The following TAF1 variants were observed in gnomAD, a reference collection of about 807,000 sequenced individuals.
TAF1 encodes the protein transcription initiation factor TFIID subunit 1.
In TAF1, 2 loss-of-function variants were observed where a neutral mutation model predicts 138.5. The observed-to-expected ratio is 0.01, with a 90% CI of 0.01 to 0.05. The LOEUF (loss-of-function observed/expected upper bound fraction) is 0.05, where lower values mean the gene tolerates loss of function less well. TAF1 is among the 10% of genes least tolerant of loss of function. The pLI is 1.00. For missense variants in TAF1, 709 were observed against 1,478.0 expected, an observed-to-expected ratio of 0.48 and a Z score of 8.53; for synonymous variants, 437 against 503.2, an observed-to-expected ratio of 0.87 and a Z score of 1.76.
At chrX:71,496,157 T>A (rs968904634) in intron 13 of TAF1, among the ~76,000 whole-genome samples, 1 of 112,350 alleles carries the variant, frequency 8.9e-6, no homozygotes, top group African/African-American at 3.2e-5. Flanking sequence ...TGTGTCTTTT[T>A]CCCTTAAACA....
At chrX:71,443,949 GA>G (rs2037553973) in intron 32 of TAF1, among the ~76,000 whole-genome samples, 1 of 111,401 alleles carries the variant, frequency 9.0e-6, no homozygotes, top group African/African-American at 3.3e-5. Flanking sequence ...GAATTCCAGT[GA>G]TCTGCCTGCC....
chrX:71,390,057 G>A (rs2034473495), intron 18 of TAF1, among the ~76,000 whole-genome samples: 1 of 111,075 alleles, frequency 9.0e-6, no homozygotes, highest in Non-Finnish European at 1.9e-5. Flanking sequence ...TGTATTTTTA[G>A]TAGAGATGGT....
chrX:71,368,728 C>T (rs1302565802), intron 3 of TAF1: 1 of 97,605 alleles, frequency 1.0e-5, no homozygotes, highest in East Asian at 3.8e-4. Context: ...AGGAGAATTG[C>T]TTCAAACCGG....
chrX:71,482,415 T>G (rs373727097), intron 13 of TAF1, among the ~76,000 whole-genome samples: 14 of 111,980 alleles, frequency 1.3e-4, no homozygotes, highest in South Asian at 7.3e-4. Flanking sequence ...AGTGGACAAT[T>G]AACAACACAA....
At chrX:71,379,497 A>G (rs1418318955) in intron 8 of TAF1, among the ~76,000 whole-genome samples, 1 of 106,547 alleles carries the variant, frequency 9.4e-6, no homozygotes, top group Non-Finnish European at 1.9e-5. Context: ...TTTTTATTTT[A>G]TTTTTATGCT....
intron 28 of TAF1, chrX:71,420,602 G>C: frequency 2.5e-6 from 3 of 1,209,193 alleles, no homozygotes; most frequent in Non-Finnish European, 3.4e-6. Context: ...TAGCTTCTCA[G>C]CTTCTTCCTC....
In TAF1 at chrX:71,377,097, A is replaced by G; in HGVS notation, c.620A>G (p.Lys207Arg). 1 of 1,211,728 alleles carries G rather than the reference A, an allele frequency of 8.3e-7. No homozygotes were observed. Among genetic ancestry groups the G allele is most frequent in the South Asian group, 1.8e-5 (1 of 56,985 alleles). Residue 207 changes from lysine to arginine, a missense_variant, in exon 5 of 38, where the codon AAG (lysine) becomes AGG (arginine). Lys to Arg is a conservative substitution (Grantham distance 26). This residue lies in a region of TAF1 where 123 missense variants were observed against 161.6 expected (regional missense o/e 0.76). Transcript: ENST00000423759. ...ACACAGGCAGAATCTGAAGATGGAA[A>G]GCTGACCCTTCCATTGGCTGGGATT... is the stretch of plus-strand genomic sequence containing the variant. ...EATQAESEDG[K>R]LTLPLAGIMQ...
chrX:71,511,271 A>G (rs1222281858), intron 13 of TAF1, among the ~76,000 whole-genome samples: 1 of 112,098 alleles, frequency 8.9e-6, no homozygotes, highest in Non-Finnish European at 1.9e-5. Flanking sequence ...TGCTCTAAAA[A>G]GAAAAAACTT....
At chrX:71,393,224 TTGTG>T (rs201372159) in intron 20 of TAF1, 73 bp from the exon 21 acceptor site, 12,690 of 936,373 alleles carry the variant, frequency 0.014, 37 homozygotes, top group East Asian at 0.098. Flanking sequence ...CCTGAATGAT[TTGTG>T]TGTGTGTGTG....
chrX:71,420,019 A>T, intron 28 of TAF1: 2 of 292,971 alleles, frequency 6.8e-6, no homozygotes, highest in East Asian at 7.0e-5. Context: ...ATTTTTTTTA[A>T]TTCTTTTTTT....
At chrX:71,461,966 A>C (rs912487380) in intron 37 of TAF1, among the ~76,000 whole-genome samples, 4 of 111,914 alleles carry the variant, frequency 3.6e-5, no homozygotes, top group Non-Finnish European at 7.5e-5. Context: ...TCCAGAGACT[A>C]GGAAGAGCCT....
intron 13 of TAF1, among the ~76,000 whole-genome samples, chrX:71,525,377 A>G (rs2039983299): frequency 1.8e-5 from 2 of 112,213 alleles, no homozygotes; most frequent in Non-Finnish European, 3.8e-5. Context: ...GAGATAGGAA[A>G]ACTGTAAAAG....
chrX:71,496,424 C>T (rs1001665926), intron 13 of TAF1, among the ~76,000 whole-genome samples: 3 of 112,089 alleles, frequency 2.7e-5, no homozygotes, highest in African/African-American at 9.7e-5. Flanking sequence ...TTTAAATTTA[C>T]CCTGGCTTTT....
In TAF1 at chrX:71,451,049, A is replaced by C. The variant is rs955236049; in HGVS notation, c.4754-3121A>C. Among the ~76,000 whole-genome samples, 3 of 112,574 alleles carry C rather than the reference A, an allele frequency of 2.7e-5. No homozygotes were observed. The Admixed American group carries it at 2.8e-4, about 11-fold the overall frequency. On this transcript the variant is annotated intron_variant, in intron 32 of 37. Coordinates refer to ENST00000423759, the MANE Select transcript of TAF1 (RefSeq NM_004606.5). The stretch of plus-strand genomic sequence containing the variant: ...GCCAGACAATTTAGGTTTTTATGTG[A>C]AATCTCCCATCTGTTAAATGTTATC...
chrX:71,423,724 G>A (rs988520007), intron 30 of TAF1, among the ~76,000 whole-genome samples: 4 of 111,649 alleles, frequency 3.6e-5, no homozygotes, highest in African/African-American at 9.8e-5. Flanking sequence ...AAAACTTCTC[G>A]TTGGGACTAG....
At chrX:71,508,159 G>T (rs1357283370) in intron 13 of TAF1, among the ~76,000 whole-genome samples, 1 of 104,644 alleles carries the variant, frequency 9.6e-6, no homozygotes, top group Non-Finnish European at 1.9e-5. Context: ...CTATATAGTT[G>T]GGAGAGACAA....
intron 32 of TAF1, among the ~76,000 whole-genome samples, chrX:71,435,514 C>T (rs1204905030): frequency 3.6e-5 from 4 of 111,990 alleles, no homozygotes; most frequent in Non-Finnish European, 7.5e-5. Flanking sequence ...AGGAAGACTG[C>T]TATAATTGGC....
At chrX:71,438,864 G>A (rs896266069) in intron 32 of TAF1, among the ~76,000 whole-genome samples, 1 of 111,785 alleles carries the variant, frequency 8.9e-6, no homozygotes, top group African/African-American at 3.2e-5. Flanking sequence ...CAGCGTTCTT[G>A]GGAGGCTGAG....
intron 28 of TAF1, chrX:71,419,998 T>G: frequency 1.1e-5 from 3 of 274,516 alleles, no homozygotes; most frequent in Non-Finnish European, 2.0e-5. Context: ...CATCTTCTGT[T>G]TTTTGTTTGT....
Sources: allele counts gnomAD v4.1 joint callset (sites outside exome capture counted in the v4.1 genomes callset), GRCh38; gene constraint gnomAD v4.1.1; regional missense constraint gnomAD v4.1.1; transcripts MANE v1.5; gene names NCBI Gene and HGNC (gene_info 2026-07-23, HGNC 2026-07-21).